Variants in ASPRV1 observed in about 807,000 individuals in gnomAD.
The protein encoded by ASPRV1 is retroviral-like aspartic protease 1.
Under a neutral mutation model 11.0 loss-of-function variants are expected in ASPRV1, and 7 were observed. The observed-to-expected ratio is 0.64, with a 90% confidence interval of 0.36 to 1.20. ASPRV1 has a LOEUF of 1.20. ASPRV1 is among the 50% of genes most tolerant of loss of function. The pLI is 0.02. For missense variants in ASPRV1, 299 were observed against 320.0 expected (o/e 0.93, Z 0.50); for synonymous variants, 136 against 138.4 (o/e 0.98, Z 0.12).
chr2:69,945,660 G>C, the ASPRV1 span, among the ~76,000 whole-genome samples: 1 of 152,234 alleles, frequency 6.6e-6, no homozygotes, highest in South Asian at 2.1e-4. Context: ...CCGGCTGTGG[G>C]TGAAGGCAGC....
At chr2:69,935,255 C>G in the ASPRV1 span, 1 of 839,818 alleles carries the variant, frequency 1.2e-6, no homozygotes, top group Non-Finnish European at 2.0e-6. Context: ...ATCGCAAGGC[C>G]TGGGCAACTT....
upstream of ASPRV1, among the ~76,000 whole-genome samples, chr2:69,963,863 G>T (rs1678234340): frequency 6.6e-6 from 1 of 152,186 alleles, no homozygotes; most frequent in Non-Finnish European, 1.5e-5. Context: ...GCAAGGACAG[G>T]GAGGTGAAGC....
chr2:69,978,962 C>T, the ASPRV1 span, among the ~76,000 whole-genome samples: 2 of 148,336 alleles, frequency 1.3e-5, no homozygotes, highest in African/African-American at 5.3e-5. Flanking sequence ...TGCATTTTTC[C>T]TCCTCCTCCC....
chr2:69,973,797 A>C, the ASPRV1 span, among the ~76,000 whole-genome samples: 4 of 152,382 alleles, frequency 2.6e-5, no homozygotes, highest in African/African-American at 9.6e-5. Context: ...TTTAATGTGC[A>C]TTATTAGCAT....
At chr2:69,946,544 A>C in the ASPRV1 span, among the ~76,000 whole-genome samples, 2 of 152,232 alleles carry the variant, frequency 1.3e-5, no homozygotes, top group African/African-American at 4.8e-5. Flanking sequence ...CATTCAGTAC[A>C]TATGAGCAAT....
the ASPRV1 span, among the ~76,000 whole-genome samples, chr2:70,004,528 CAAAAAAA>C: frequency 0.012 from 670 of 54,636 alleles, 6 homozygotes; most frequent in Middle Eastern, 0.059. Context: ...AACTCCATCT[CAAAAAAA>C]AAAAAAAAAA....
the ASPRV1 span, among the ~76,000 whole-genome samples, chr2:70,014,985 T>C: frequency 6.6e-6 from 1 of 152,064 alleles, no homozygotes; most frequent in Non-Finnish European, 1.5e-5. Context: ...CTTTGAATAG[T>C]CTCCAAAGAA....
chr2:70,002,045 A>C, the ASPRV1 span, among the ~76,000 whole-genome samples: 1 of 152,232 alleles, frequency 6.6e-6, no homozygotes, highest in Non-Finnish European at 1.5e-5. Flanking sequence ...GGATATAACC[A>C]AAACCATAGC....
At chr2:70,008,683 G>A in the ASPRV1 span, among the ~76,000 whole-genome samples, 1 of 151,634 alleles carries the variant, frequency 6.6e-6, no homozygotes, top group Non-Finnish European at 1.5e-5. Context: ...GTGTATTTTA[G>A]GTGTGGCCCA....
chr2:69,958,448 T>C (rs868365548), downstream of ASPRV1, among the ~76,000 whole-genome samples: 29 of 152,164 alleles, frequency 1.9e-4, no homozygotes, highest in Admixed American at 1.3e-4. Flanking sequence ...GCATCCCATT[T>C]GCAATCACCC....
the ASPRV1 span, among the ~76,000 whole-genome samples, chr2:70,084,071 C>G: frequency 0.23 from 34,417 of 151,980 alleles, 6,970 homozygotes; most frequent in African/African-American, 0.51. Context: ...TTAAGACTCT[C>G]GGGGAAGGAG....
At chr2:69,942,047 CTTT>C in the ASPRV1 span, 2 of 152,124 alleles carry the variant, frequency 1.3e-5, no homozygotes, top group African/African-American at 2.4e-5. Context: ...TCTGTTTCTT[CTTT>C]GTTTCCCCAA....
At position 69,960,885 on chromosome 2, in the gene ASPRV1, C is replaced by T. The variant is rs1678070223; in HGVS notation, c.552G>A (p.Leu184=). ...CATTGGCCACTAGGAACTGTGCCTT[C>T]AGCTTCAGCTTGCCTAGGGACACCG... The part of the protein sequence containing the change: ...DTAVSLGKLK[L]KAQFLVANAS... Residue 184 remains leucine (L), a synonymous_variant, in exon 1 of 1, where the codon CTG becomes CTA. Transcript: ENST00000320256. 1.9e-6 allele frequency: 3 copies of T among 1,614,144 alleles called. No homozygotes were observed. The highest frequency in any genetic ancestry group is 2.5e-6 in the Non-Finnish European group (3 of 1,180,030).
At chr2:70,078,105 C>A in the ASPRV1 span, among the ~76,000 whole-genome samples, 1 of 151,500 alleles carries the variant, frequency 6.6e-6, no homozygotes, top group Non-Finnish European at 1.5e-5. Context: ...TGCACTGAGC[C>A]GAGATCGCGC....
the ASPRV1 span, among the ~76,000 whole-genome samples, chr2:69,936,503 C>T: frequency 6.6e-6 from 1 of 152,138 alleles, no homozygotes; most frequent in African/African-American, 2.4e-5. Flanking sequence ...TTTGTATAAT[C>T]ATATTATAGT....
chr2:69,991,295 C>A, the ASPRV1 span, among the ~76,000 whole-genome samples: 1 of 152,200 alleles, frequency 6.6e-6, no homozygotes, highest in Non-Finnish European at 1.5e-5. Flanking sequence ...CTCTCCTGAT[C>A]TTCACACTCT....
At chr2:70,021,749 C>G in the ASPRV1 span, among the ~76,000 whole-genome samples, 1 of 151,864 alleles carries the variant, frequency 6.6e-6, no homozygotes, top group South Asian at 2.1e-4. Flanking sequence ...TGTCACCAGG[C>G]TGGAGTGAGG....
At chr2:70,025,487 A>G in the ASPRV1 span, among the ~76,000 whole-genome samples, 1 of 152,186 alleles carries the variant, frequency 6.6e-6, no homozygotes, top group Non-Finnish European at 1.5e-5. Flanking sequence ...TGTACCCAAC[A>G]TTGCTGTGGT....
At chr2:70,041,579 T>C in the ASPRV1 span, among the ~76,000 whole-genome samples, 458 of 152,324 alleles carry the variant, frequency 3.0e-3, 4 homozygotes, top group African/African-American at 0.011. Flanking sequence ...CTACATCCCA[T>C]CTGGCACTGA....
Sources: gnomAD v4.1 joint callset for allele counts (sites outside exome capture counted in the v4.1 genomes callset) on GRCh38, gnomAD v4.1.1 for gene constraint, MANE v1.5 for transcripts, NCBI Gene and HGNC (gene_info 2026-07-23, HGNC 2026-07-21) for gene names.